The following HIGD1A variants were observed in gnomAD, a reference collection of about 807,000 sequenced individuals.
HIGD1A encodes HIG1 hypoxia inducible domain family member 1A.
In HIGD1A, 8 loss-of-function variants were observed where a neutral mutation model predicts 11.3. The ratio of observed to expected loss-of-function variants is 0.71; its 90% CI spans 0.42 to 1.28. HIGD1A has a LOEUF of 1.28. Ranked by LOEUF, HIGD1A falls within the 50% of genes most tolerant of loss-of-function variation. HIGD1A has a pLI of 0.01. For synonymous variants in HIGD1A, 32 were observed against 38.4 expected (o/e 0.83, Z 0.62); for missense variants, 107 against 118.8 (o/e 0.90, Z 0.46).
intron 1 of HIGD1A, 191 bp downstream of exon 1, chr3:42,804,245 G>C: frequency 6.3e-7 from 1 of 1,593,098 alleles, no homozygotes; most frequent in Non-Finnish European, 8.6e-7. Flanking sequence ...CTCGGCTCCC[G>C]ACTCCTCTCA....
chr3:42,793,356 C>A (rs992667329), intron 2 of HIGD1A, among the ~76,000 whole-genome samples: 2 of 152,128 alleles, frequency 1.3e-5, no homozygotes, highest in Non-Finnish European at 2.9e-5. Context: ...TCAATAAAAC[C>A]TGGTTACCAA....
At chr3:42,795,057 C>G (rs950414060) in intron 1 of HIGD1A, among the ~76,000 whole-genome samples, 1 of 150,950 alleles carries the variant, frequency 6.6e-6, no homozygotes, top group Non-Finnish European at 1.5e-5. Flanking sequence ...GGCACGATCT[C>G]GGCTCACTGC....
chr3:42,786,591 T>C (rs997259786), intron 2 of HIGD1A, among the ~76,000 whole-genome samples: 2 of 152,144 alleles, frequency 1.3e-5, no homozygotes, highest in African/African-American at 2.4e-5. Context: ...CTGAGAAACA[T>C]TGCCTGAATA....
intron 2 of HIGD1A, among the ~76,000 whole-genome samples, chr3:42,787,898 C>A (rs576984144): frequency 6.6e-6 from 1 of 151,846 alleles, no homozygotes; most frequent in Admixed American, 6.6e-5. Context: ...GTCTATGAAG[C>A]TTTGACAAAA....
At chr3:42,799,756 C>T (rs62246631) in intron 1 of HIGD1A, among the ~76,000 whole-genome samples, 26,479 of 152,046 alleles carry the variant, frequency 0.17, 2,464 homozygotes, top group South Asian at 0.26. Context: ...ATGCCTGGCT[C>T]CATCTTTTTT....
rs767688830 is a variant in HIGD1A, at chr3:42,783,545, G to C, written c.*1726C>G. On this transcript the variant is annotated 3_prime_UTR_variant, in exon 4 of 4. Coordinates refer to ENST00000321331, the MANE Select transcript of HIGD1A (RefSeq NM_014056.4). Reference sequence around the variant, plus strand: ...CATCAGAATCGCACGAAGCTAGGAGGTGGAGGGTGCCGTGAGCTCAGATCA... The same window carrying C: ...CATCAGAATCGCACGAAGCTAGGAGCTGGAGGGTGCCGTGAGCTCAGATCA... Among the ~76,000 whole-genome samples the C allele has an allele frequency of 2.0e-5, 3 of 152,176 alleles. No homozygotes were observed. In the South Asian group the frequency reaches 6.2e-4, roughly 32 times the overall value.
chr3:42,793,920 A>T (rs1700460039), intron 2 of HIGD1A, among the ~76,000 whole-genome samples: 1 of 152,116 alleles, frequency 6.6e-6, no homozygotes, highest in African/African-American at 2.4e-5. Context: ...GGGGGCAGTG[A>T]GCTATGATCA....
chr3:42,785,966 T>C, intron 3 of HIGD1A, 62 bp downstream of exon 3: 1 of 1,498,492 alleles, frequency 6.7e-7, no homozygotes, highest in Non-Finnish European at 9.3e-7. Context: ...ATTTACCTAT[T>C]TTGTTTGTAA....
At chr3:42,787,594 A>AATATATATATATATATATAT (rs1163603645) in intron 2 of HIGD1A, among the ~76,000 whole-genome samples, 15 of 141,240 alleles carry the variant, frequency 1.1e-4, no homozygotes, top group African/African-American at 3.9e-4. Flanking sequence ...CCATCTCAAA[A>AATATATATATATATATATAT]ATATATATAT....
At chr3:42,803,851 T>C (rs562756793) in intron 1 of HIGD1A, among the ~76,000 whole-genome samples, 3 of 152,130 alleles carry the variant, frequency 2.0e-5, no homozygotes, top group Admixed American at 6.5e-5. Flanking sequence ...CTAGGCCTTA[T>C]CACTTTCCCA....
chr3:42,789,214 G>A (rs1034007950), intron 2 of HIGD1A, among the ~76,000 whole-genome samples: 3 of 151,784 alleles, frequency 2.0e-5, no homozygotes, highest in East Asian at 3.9e-4. Context: ...GCTAATTTTT[G>A]TATTTTTAGT....
chr3:42,804,307 C>T (rs1559680018), intron 1 of HIGD1A, 129 bp downstream of exon 1: 1 of 1,017,036 alleles, frequency 9.8e-7, no homozygotes, highest in South Asian at 1.5e-5. Context: ...ACCTCTCCTC[C>T]CTCATTCGAG....
At position 42,786,104 on chromosome 3, in the gene HIGD1A, TC is replaced by T; in HGVS notation, c.155del (p.Gly52GlufsTer9). Reference protein sequence around the residue: ...AYGLYKLKSRGNTKMSIHLIH... With the variant: ...AYGLYKLKSRXNTKMSIHLIH... ...TCAGATGAATGGACATTTTAGTATTTCCCCTGCTCTTCAGTTTATATAATCC... is the reference window on the plus strand; with the variant it reads ...TCAGATGAATGGACATTTTAGTATTTCCCTGCTCTTCAGTTTATATAATCC... On this transcript the variant is annotated frameshift_variant, in exon 3 of 4. Transcript: ENST00000321331. LOFTEE classifies it high-confidence loss of function. 1 of 1,613,984 alleles carries T rather than the reference TC, an allele frequency of 6.2e-7. No individual in the cohort carries two copies. The highest frequency in any genetic ancestry group is 1.3e-5 in the African/African-American group (1 of 75,048).
rs143278572 is a variant in HIGD1A, at chr3:42,792,803, A to T, written c.97+1354T>A. ...GAGACCAGCCTGGCCAACATGATGA[A>T]ACCCCCATCTCTACTAAAAATACAA... On this transcript the variant is annotated intron_variant, in intron 2 of 3. Transcript: ENST00000321331. Among the ~76,000 whole-genome samples the T allele has an allele frequency of 7.7e-3, 1,167 of 151,766 alleles. 5 individuals carry two copies. Among genetic ancestry groups the T allele is most frequent in the Non-Finnish European group, 0.013 (869 of 67,946 alleles).
At chr3:42,794,887 C>T (rs552573986) in intron 1 of HIGD1A, among the ~76,000 whole-genome samples, 10 of 152,280 alleles carry the variant, frequency 6.6e-5, no homozygotes, top group Non-Finnish European at 1.2e-4. Flanking sequence ...AAAGTTTCTA[C>T]CTAGCTCATT....
intron 1 of HIGD1A, chr3:42,804,219 C>T (rs746415242): frequency 6.2e-7 from 1 of 1,608,834 alleles, no homozygotes. Flanking sequence ...CTCCCCTCAC[C>T]CGAAGGACCC....
At chr3:42,801,216 T>C (rs1374716644) in intron 1 of HIGD1A, among the ~76,000 whole-genome samples, 1 of 152,200 alleles carries the variant, frequency 6.6e-6, no homozygotes, top group African/African-American at 2.4e-5. Context: ...TCACCTTGAG[T>C]AATTCCTGGA....
chr3:42,801,442 A>G (rs980374724), intron 1 of HIGD1A, among the ~76,000 whole-genome samples: 2 of 152,190 alleles, frequency 1.3e-5, no homozygotes, highest in African/African-American at 4.8e-5. Flanking sequence ...TCAGGGACCA[A>G]TACCTGCTCT....
At chr3:42,790,712 T>A (rs906217869) in intron 2 of HIGD1A, among the ~76,000 whole-genome samples, 22 of 152,212 alleles carry the variant, frequency 1.4e-4, no homozygotes, top group Admixed American at 6.5e-5. Context: ...AAAATTTCCA[T>A]TCTCTCCAAA....
Sources: gnomAD v4.1 joint callset for allele counts (sites outside exome capture counted in the v4.1 genomes callset) on GRCh38, gnomAD v4.1.1 for gene constraint, MANE v1.5 for transcripts, NCBI Gene and HGNC (gene_info 2026-07-23, HGNC 2026-07-21) for gene names.